Variants in TRPM3 observed in about 807,000 individuals in gnomAD.
TRPM3 encodes transient receptor potential cation channel subfamily M member 3.
TRPM3 carries 77 observed loss-of-function variants against 181.2 expected under a neutral mutation model. The ratio of observed to expected loss-of-function variants is 0.42; its 90% confidence interval spans 0.35 to 0.51. The LOEUF (loss-of-function observed/expected upper bound fraction) is 0.51. TRPM3 is among the 20% of genes least tolerant of loss of function. The pLI is 0.01. For synonymous variants in TRPM3, 745 were observed against 796.4 expected, an observed-to-expected ratio of 0.94 and a Z score of 1.09; for missense variants, 1,759 against 2,196.7, an observed-to-expected ratio of 0.80 and a Z score of 3.98.
intron 1 of TRPM3, among the ~76,000 whole-genome samples, chr9:71,421,011 G>GAGAAAA (rs1255055247): frequency 5.9e-5 from 7 of 118,316 alleles, no homozygotes; most frequent in African/African-American, 1.8e-4. Flanking sequence ...GAGAGAAAAA[G>GAGAAAA]AGAGAAAAAG....
upstream of TRPM3, among the ~76,000 whole-genome samples, chr9:71,123,844 A>G (rs1405709854): frequency 6.6e-6 from 1 of 152,144 alleles, no homozygotes; most frequent in African/African-American, 2.4e-5. Flanking sequence ...TCTCTGCTCC[A>G]TGAAAATGCT....
chr9:71,316,538 C>A lies in TRPM3; in HGVS notation c.183+130115G>T, dbSNP rs184813864. On this transcript the variant is annotated intron_variant, in intron 1 of 24. Transcript: ENST00000357533. ...GAATCACATGAGTTCTTAAAAGAAC[C>A]CTTCTGTCTGAGATAAAAGTGAGAG... Among the ~76,000 whole-genome samples the A allele has an allele frequency of 1.1e-4, 16 of 152,074 alleles. 1 individual carries two copies. Among genetic ancestry groups the A allele is most frequent in the African/African-American group, 3.6e-4 (15 of 41,486 alleles).
intron 1 of TRPM3, among the ~76,000 whole-genome samples, chr9:70,887,847 C>T (rs369612364): frequency 1.3e-5 from 2 of 152,190 alleles, no homozygotes; most frequent in Non-Finnish European, 2.9e-5. Context: ...AGCAGAGATA[C>T]AGTCTATAAA....
At chr9:71,019,594 G>A (rs1266969404) in intron 1 of TRPM3, among the ~76,000 whole-genome samples, 1 of 151,854 alleles carries the variant, frequency 6.6e-6, no homozygotes, top group African/African-American at 2.4e-5. Flanking sequence ...AAATAATTGG[G>A]GGGAATATAT....
chr9:71,431,077 A>G (rs1198893523), intron 1 of TRPM3, among the ~76,000 whole-genome samples: 4 of 152,268 alleles, frequency 2.6e-5, no homozygotes, highest in African/African-American at 9.6e-5. Context: ...GCTTGACTCT[A>G]TTCTAACCTT....
At chr9:70,597,076 G>A (rs180989311) in intron 21 of TRPM3, among the ~76,000 whole-genome samples, 160 of 152,224 alleles carry the variant, frequency 1.1e-3, no homozygotes, top group African/African-American at 3.7e-3. Context: ...TAGGATTACA[G>A]GCATACACCA....
At chr9:71,007,982 G>A (rs555734747) in intron 1 of TRPM3, among the ~76,000 whole-genome samples, 3 of 151,896 alleles carry the variant, frequency 2.0e-5, no homozygotes, top group African/African-American at 4.8e-5. Flanking sequence ...ACCCCAAAAC[G>A]AAGAGTGCAT....
intron 22 of TRPM3, among the ~76,000 whole-genome samples, chr9:70,585,642 C>T (rs1452796312): frequency 6.6e-6 from 1 of 152,164 alleles, no homozygotes; most frequent in Non-Finnish European, 1.5e-5. Context: ...AATCCCCATC[C>T]ACTTTTCCCA....
intron 1 of TRPM3, among the ~76,000 whole-genome samples, chr9:71,081,176 A>G (rs2064269477): frequency 6.6e-6 from 1 of 152,208 alleles, no homozygotes; most frequent in African/African-American, 2.4e-5. Flanking sequence ...TTACAAGTAT[A>G]AAGAGGAGCA....
intron 1 of TRPM3, among the ~76,000 whole-genome samples, chr9:71,416,149 T>C (rs1053490153): frequency 6.6e-6 from 1 of 151,866 alleles, no homozygotes; most frequent in Non-Finnish European, 1.5e-5. Context: ...AAGCATCATT[T>C]GGGATTTGGC....
At chr9:71,315,299 C>T (rs1479707975) in intron 1 of TRPM3, among the ~76,000 whole-genome samples, 3 of 152,120 alleles carry the variant, frequency 2.0e-5, no homozygotes, top group Non-Finnish European at 4.4e-5. Flanking sequence ...TACATTCACA[C>T]ATGAACTTTT....
intron 1 of TRPM3, among the ~76,000 whole-genome samples, chr9:71,047,947 G>C (rs887635591): frequency 6.6e-6 from 1 of 152,060 alleles, no homozygotes; most frequent in South Asian, 2.1e-4. Context: ...GCTTTGTAGA[G>C]TGTCTGACGT....
chr9:70,782,967 C>T (rs571456990), intron 7 of TRPM3, among the ~76,000 whole-genome samples: 11 of 151,982 alleles, frequency 7.2e-5, no homozygotes, highest in East Asian at 1.9e-4. Context: ...TAGGGAGAGA[C>T]GGGATGGTAC....
intron 22 of TRPM3, among the ~76,000 whole-genome samples, chr9:70,586,006 G>C (rs559506405): frequency 1.3e-5 from 2 of 152,012 alleles, no homozygotes; most frequent in Admixed American, 1.3e-4. Context: ...ATACTAATTC[G>C]CAGTTTGGAA....
At chr9:70,795,475 CAAAT>C (rs2086786354) in intron 6 of TRPM3, among the ~76,000 whole-genome samples, 1 of 152,170 alleles carries the variant, frequency 6.6e-6, no homozygotes, top group Non-Finnish European at 1.5e-5. Context: ...CTCTGGCAAA[CAAAT>C]AATTTGAAAT....
At chr9:70,793,468 AAAT>A (rs770233737) in intron 6 of TRPM3, 1,152 of 102,448 alleles carry the variant, frequency 0.011, 3 homozygotes, top group East Asian at 0.02. Flanking sequence ...AAAAAAAAAA[AAAT>A]ATATATATAT....
intron 1 of TRPM3, among the ~76,000 whole-genome samples, chr9:71,193,986 C>A (rs767380160): frequency 6.6e-6 from 1 of 151,938 alleles, no homozygotes; most frequent in Non-Finnish European, 1.5e-5. Flanking sequence ...TATGCATACA[C>A]ATATACAAAT....
intron 1 of TRPM3, among the ~76,000 whole-genome samples, chr9:71,349,592 CA>C (rs1349338541): frequency 6.6e-6 from 1 of 151,998 alleles, no homozygotes; most frequent in African/African-American, 2.4e-5. Context: ...TTGCCAAAAC[CA>C]AAACAAATCA....
intron 1 of TRPM3, among the ~76,000 whole-genome samples, chr9:70,948,701 T>G (rs2096962886): frequency 6.6e-6 from 1 of 152,128 alleles, no homozygotes; most frequent in African/African-American, 2.4e-5. Context: ...GGAGCTGGTA[T>G]TTTGGCCAGC....
Sources: allele counts gnomAD v4.1 joint callset (sites outside exome capture counted in the v4.1 genomes callset), GRCh38; gene constraint gnomAD v4.1.1; transcripts MANE v1.5; gene names NCBI Gene and HGNC (gene_info 2026-07-23, HGNC 2026-07-21).